The following RBFOX1 variants were observed in gnomAD, a reference collection of about 807,000 sequenced individuals.
The protein encoded by RBFOX1 is RNA binding protein fox-1 homolog 1.
In RBFOX1, 8 loss-of-function variants were observed where a neutral mutation model predicts 57.7. The ratio of observed to expected loss-of-function variants is 0.14; its 90% confidence interval spans 0.08 to 0.25. RBFOX1 has a LOEUF of 0.25. RBFOX1 is among the 10% of genes least tolerant of loss of function. The pLI is 1.00. For missense variants in RBFOX1, 611 were observed against 548.5 expected (o/e 1.11, Z -1.14); for synonymous variants, 326 against 222.4 (o/e 1.47, Z -4.15).
chr16:5,428,616 G>C (rs2067635614), intron 1 of RBFOX1, among the ~76,000 whole-genome samples: 1 of 152,154 alleles, frequency 6.6e-6, no homozygotes, highest in South Asian at 2.1e-4. Flanking sequence ...TAGCCGGGGA[G>C]ATCTGGGAAG....
chr16:5,822,192 C>A (rs1407962336), intron 3 of RBFOX1, among the ~76,000 whole-genome samples: 1 of 152,070 alleles, frequency 6.6e-6, no homozygotes, highest in Non-Finnish European at 1.5e-5. Context: ...AATGAAAAAC[C>A]AAACATCTTA....
rs1325678057 is a variant in RBFOX1 at position 7,645,636 on chromosome 16, A to T, written c.758-8179A>T. On this transcript the variant is annotated intron_variant, in intron 11 of 15. Transcript: ENST00000550418. ...CCAAGCAAATGAACAGTGAAAAATT[A>T]CTCTTCCATGTGGAGCATGGTGATT... Among the ~76,000 whole-genome samples, 4 of 152,306 alleles carry T rather than the reference A, an allele frequency of 2.6e-5. No individual in the cohort carries two copies. In the East Asian group the frequency reaches 5.8e-4, roughly 22 times the overall value.
At chr16:7,706,452 T>G (rs1176509471) in intron 14 of RBFOX1, among the ~76,000 whole-genome samples, 2 of 152,158 alleles carry the variant, frequency 1.3e-5, no homozygotes, top group Non-Finnish European at 2.9e-5. Context: ...CGTTATAGAA[T>G]TTACCACTGA....
intron 1 of RBFOX1, among the ~76,000 whole-genome samples, chr16:5,380,383 T>C (rs2066101458): frequency 6.6e-6 from 1 of 152,206 alleles, no homozygotes. Flanking sequence ...GTGATGGGCA[T>C]TAAAATATCC....
In RBFOX1 at chr16:5,744,655, G is replaced by T. The variant is rs549890584; in HGVS notation, c.319-122648G>T. 3.9e-5 allele frequency among the ~76,000 whole-genome samples: 6 copies of T among 152,218 alleles called. No individual in the cohort carries two copies. In the East Asian group the frequency reaches 9.7e-4, roughly 25 times the overall value. On this transcript the variant is annotated intron_variant, in intron 3 of 19. Transcript: ENST00000641259. ...TTGTTAAATATTTACCATCTCACCC[G>T]ATCTGAAATTAAATGAAATAAAAGG...
intron 3 of RBFOX1, among the ~76,000 whole-genome samples, chr16:6,918,429 T>C (rs987640924): frequency 1.3e-5 from 2 of 152,170 alleles, no homozygotes; most frequent in Non-Finnish European, 2.9e-5. Flanking sequence ...ACTGTAGCTA[T>C]AGGAAGACTT....
intron 14 of RBFOX1, among the ~76,000 whole-genome samples, chr16:7,698,151 G>A (rs145413724): frequency 6.6e-5 from 10 of 151,454 alleles, no homozygotes; most frequent in Admixed American, 2.0e-4. Context: ...CAGACAGGTT[G>A]AAACAGTTGT....
chr16:6,649,112 G>C (rs942225686), intron 2 of RBFOX1, among the ~76,000 whole-genome samples: 1 of 152,122 alleles, frequency 6.6e-6, no homozygotes, highest in Non-Finnish European at 1.5e-5. Context: ...CAAACCCCCT[G>C]GTAGTGAGGG....
At chr16:6,034,087 C>A (rs542738058) in intron 1 of RBFOX1, among the ~76,000 whole-genome samples, 1 of 151,938 alleles carries the variant, frequency 6.6e-6, no homozygotes, top group Non-Finnish European at 1.5e-5. Context: ...GTAATCCCAG[C>A]CCTTTGGGAG....
chr16:6,278,255 A>T (rs1194190354), intron 1 of RBFOX1, among the ~76,000 whole-genome samples: 1 of 151,446 alleles, frequency 6.6e-6, no homozygotes, highest in Admixed American at 6.6e-5. Flanking sequence ...TTCCTGCCCT[A>T]GTGGCAGGGA....
intron 3 of RBFOX1, among the ~76,000 whole-genome samples, chr16:6,686,727 G>A (rs2059490315): frequency 6.6e-6 from 1 of 152,016 alleles, no homozygotes; most frequent in Non-Finnish European, 1.5e-5. Context: ...TTCCCATTAT[G>A]TTTCAGGCCA....
In RBFOX1 at chr16:6,155,714, C is replaced by G. The variant is rs528219605; in HGVS notation, c.-127+135722C>G. Reference sequence around the variant, plus strand: ...CAGACTCAGACTCCTTGAAGTAGTCCCCGTGGAGCCTGATGGGAGGACGGC... The same window carrying G: ...CAGACTCAGACTCCTTGAAGTAGTCGCCGTGGAGCCTGATGGGAGGACGGC... On this transcript the variant is annotated intron_variant, in intron 1 of 15. Coordinates refer to ENST00000550418, the MANE Select transcript of RBFOX1 (RefSeq NM_018723.4). 1.3e-4 allele frequency among the ~76,000 whole-genome samples: 20 copies of G among 152,272 alleles called. No individual in the cohort carries two copies. The South Asian group carries it at 3.3e-3, about 25-fold the overall frequency.
chr16:5,254,396 T>C (rs1254459428), intron 1 of RBFOX1, among the ~76,000 whole-genome samples: 1 of 152,220 alleles, frequency 6.6e-6, no homozygotes, highest in African/African-American at 2.4e-5. Flanking sequence ...GTGGGCCTTC[T>C]TACTGTATTC....
At chr16:6,925,687 T>C (rs181265891) in intron 3 of RBFOX1, among the ~76,000 whole-genome samples, 2 of 151,970 alleles carry the variant, frequency 1.3e-5, no homozygotes, top group Non-Finnish European at 2.9e-5. Flanking sequence ...CAGCTTGATA[T>C]TTGAGCAAGT....
At chr16:5,425,559 C>G in intron 1 of RBFOX1, among the ~76,000 whole-genome samples, 1 of 152,204 alleles carries the variant, frequency 6.6e-6, no homozygotes, top group East Asian at 1.9e-4. Context: ...GCAAAATCAG[C>G]CATGTGACTC....
At chr16:6,880,522 C>T (rs534766663) in intron 3 of RBFOX1, among the ~76,000 whole-genome samples, 55 of 152,256 alleles carry the variant, frequency 3.6e-4, no homozygotes, top group Non-Finnish European at 6.8e-4. Flanking sequence ...TTTCCTGGAA[C>T]CTTGCTAGTC....
At chr16:6,530,680 T>A (rs2096645222) in intron 2 of RBFOX1, among the ~76,000 whole-genome samples, 1 of 152,102 alleles carries the variant, frequency 6.6e-6, no homozygotes, top group African/African-American at 2.4e-5. Context: ...AGGAGCAAGT[T>A]ATGTCTTACA....
intron 4 of RBFOX1, among the ~76,000 whole-genome samples, chr16:7,431,695 C>A (rs1190393366): frequency 6.6e-6 from 1 of 152,126 alleles, no homozygotes; most frequent in Non-Finnish European, 1.5e-5. Flanking sequence ...TTAAGCTGTC[C>A]CTCTCCATTC....
chr16:6,763,297 G>T (rs1201276562), intron 3 of RBFOX1, among the ~76,000 whole-genome samples: 1 of 150,078 alleles, frequency 6.7e-6, no homozygotes, highest in Admixed American at 6.7e-5. Context: ...AAAGTCATTG[G>T]AAAAACCATT....
Sources: gnomAD v4.1 joint callset for allele counts (sites outside exome capture counted in the v4.1 genomes callset) on GRCh38, gnomAD v4.1.1 for gene constraint, MANE v1.5 for transcripts, NCBI Gene and HGNC (gene_info 2026-07-23, HGNC 2026-07-21) for gene names.